COPA: variants seen among roughly 807,000 people sequenced by gnomAD.
COPA encodes the protein coatomer subunit alpha.
In COPA, 10 loss-of-function variants were observed where a neutral mutation model predicts 158.7. The ratio of observed to expected loss-of-function variants is 0.06; its 90% confidence interval spans 0.04 to 0.11. The LOEUF is 0.11. Among genes scored for constraint, COPA ranks in the 10% least tolerant of loss-of-function variants. COPA has a pLI of 1.00. For missense variants in COPA, 1,065 were observed against 1,536.7 expected (o/e 0.69, Z 5.13); for synonymous variants, 462 against 542.8 (o/e 0.85, Z 2.07).
rs1658876802 is a variant in COPA, at chr1:160,308,897, T to C, written c.1219+204A>G. 4 of 494,672 alleles carry C rather than the reference T, an allele frequency of 8.1e-6. No individual in the cohort carries two copies. In the South Asian group the frequency reaches 1.1e-4, roughly 13 times the overall value. 30.6% of individuals were successfully genotyped at this position (494,672 alleles called of 1,614,324 possible). A position where few individuals can be genotyped will look rare whatever the true frequency, so the allele number is the denominator to read the frequency against. On this transcript the variant is annotated intron_variant, in intron 13 of 32. Transcript: ENST00000241704. The stretch of plus-strand genomic sequence containing the variant: ...TAATAACCAAATTATAAAATATATA[T>C]ATCTAGCTGGGGTAATAAAATGGAG...
rs750819605 is a variant in COPA at position 160,307,210 on chromosome 1, C to G, written c.1255G>C (p.Val419Leu). The G allele has an allele frequency of 5.0e-6, 8 of 1,614,204 alleles. No homozygotes were observed. The highest frequency in any genetic ancestry group is 6.8e-6 in the Non-Finnish European group (8 of 1,180,012). ...GCAAACCGATTTCGAGCGACCCAAA[C>G]GGCTGTCAGGCCTGAGGATCGTTTC... The part of the protein sequence containing the change: ...EGKRSSGLTA[V>L]WVARNRFAVL... Residue 419 changes from valine (V) to leucine (L), a missense_variant, in exon 14 of 33, where the codon GTT becomes CTT. By Grantham distance (32) the Val-to-Leu change is conservative. This residue lies in a region of COPA where 980 missense variants were observed against 1,357.8 expected (regional missense o/e 0.72). Transcript: ENST00000241704.
chr1:160,294,157 T>G (rs139214528), intron 25 of COPA, among the ~76,000 whole-genome samples: 355 of 152,220 alleles, frequency 2.3e-3, no homozygotes, highest in Non-Finnish European at 2.5e-3. Flanking sequence ...TTCTTCCTGC[T>G]TCTTTTACTT....
intron 6 of COPA, among the ~76,000 whole-genome samples, chr1:160,331,133 T>G (rs1310031598): frequency 6.6e-6 from 1 of 152,214 alleles, no homozygotes; most frequent in Non-Finnish European, 1.5e-5. Context: ...CATTTAGTGT[T>G]TGATTTCCCT....
At chr1:160,326,588 C>T (rs1647225234) in intron 6 of COPA, among the ~76,000 whole-genome samples, 1 of 152,172 alleles carries the variant, frequency 6.6e-6, no homozygotes, top group South Asian at 2.1e-4. Context: ...AGCCTTTCGA[C>T]AGCTGATGGG....
At chr1:160,320,923 C>T (rs186905350) in intron 8 of COPA, among the ~76,000 whole-genome samples, 2 of 151,774 alleles carry the variant, frequency 1.3e-5, no homozygotes, top group East Asian at 3.9e-4. Flanking sequence ...GCCGATATCA[C>T]TGATGAACAT....
Position 160,293,167 on chromosome 1 carries a change from C to T in COPA, c.2822G>A (p.Arg941Gln), listed in dbSNP as rs368690601. ...AGAGGAAAAGCCAAGGTTACTTACC[C>T]GCATGGCTGTTTCGAAAGAGCCTGC... is the stretch of plus-strand genomic sequence containing the variant. ...ILAGSFETAM[R>Q]LLHDQVGVIQ... The change falls in exon 27 of 33, where the codon CGG (arginine) becomes CAG (glutamine). Residue 941 changes from arginine to glutamine, a missense_variant and splice_region_variant. Arg to Gln is a conservative substitution (Grantham distance 43). Around this residue, in one of 2 missense-constraint regions of COPA, gnomAD observed 980 missense variants for 1,357.8 expected, o/e 0.72. Coordinates refer to ENST00000241704, the MANE Select transcript of COPA (RefSeq NM_004371.4). 1.5e-4 allele frequency: 248 copies of T among 1,614,134 alleles called. No homozygotes were observed. Among genetic ancestry groups the T allele is most frequent in the South Asian group, 2.0e-4 (18 of 91,076 alleles).
chr1:160,293,316 CCAA>C (rs1198894787), intron 26 of COPA, 67 bp downstream of exon 26: 5 of 1,609,730 alleles, frequency 3.1e-6, no homozygotes, highest in Non-Finnish European at 3.4e-6. Context: ...AGAAAAGTAG[CCAA>C]CACCTGTTAT....
intron 21 of COPA, 86 bp downstream of exon 21, chr1:160,297,257 C>A (rs1658446195): frequency 3.5e-6 from 4 of 1,158,746 alleles, no homozygotes; most frequent in Non-Finnish European, 5.1e-6. Context: ...AGAGAAATCC[C>A]TCACCACTAT....
chr1:160,339,864 C>T, intron 3 of COPA, 45 bp downstream of exon 3: 1 of 1,563,282 alleles, frequency 6.4e-7, no homozygotes, highest in Non-Finnish European at 8.8e-7. Flanking sequence ...CAAACCTTCC[C>T]ACATCCTCTT....
At chr1:160,295,964 G>A (rs1438255609) in intron 22 of COPA, 97 bp downstream of exon 22, 2 of 1,577,440 alleles carry the variant, frequency 1.3e-6, no homozygotes, top group Non-Finnish European at 1.7e-6. Context: ...GCCTCTCCTG[G>A]TAACCAGGTG....
chr1:160,339,201 T>C lies in COPA; in HGVS notation c.228+708A>G, dbSNP rs574712708. 4.6e-5 allele frequency among the ~76,000 whole-genome samples: 6 copies of C among 130,556 alleles called. No homozygotes were observed. The South Asian group carries it at 1.4e-3, about 30-fold the overall frequency. 85.6% of individuals were successfully genotyped at this position (130,556 alleles called of 152,430 possible). ...ATCACCCAACAGACACACTGATTCA[T>C]TTCCTTAAATTCTCACATCCATCTC... On this transcript the variant is annotated intron_variant, in intron 3 of 32. Transcript: ENST00000241704.
At chr1:160,339,111 T>A (rs1647916266) in intron 3 of COPA, among the ~76,000 whole-genome samples, 1 of 138,762 alleles carries the variant, frequency 7.2e-6, no homozygotes, top group African/African-American at 3.1e-5. Context: ...GTCAGCTCAT[T>A]TATTTCTCCT....
In COPA at chr1:160,294,757, A is replaced by G. The variant is rs370504756; in HGVS notation, c.2566+11T>C. The stretch of plus-strand genomic sequence containing the variant: ...CATCACCCCAGAACAGTCTTAAAAC[A>G]GCACTTTTACCTTCATCCAACTGCA... On this transcript the variant is annotated intron_variant, in intron 24 of 32. Coordinates refer to ENST00000241704, the MANE Select transcript of COPA (RefSeq NM_004371.4). 40 of 1,613,870 alleles carry G rather than the reference A, an allele frequency of 2.5e-5. No homozygotes were observed. Among genetic ancestry groups the G allele is most frequent in the Middle Eastern group, 1.7e-4 (1 of 6,060 alleles).
At chr1:160,336,945 AG>A (rs1647794128) in intron 3 of COPA, among the ~76,000 whole-genome samples, 1 of 152,194 alleles carries the variant, frequency 6.6e-6, no homozygotes, top group Non-Finnish European at 1.5e-5. Context: ...GCCTGACATT[AG>A]GTAAGTGCTC....
Position 160,312,023 on chromosome 1 carries a change from G to C in COPA, c.926-5C>G, listed in dbSNP as rs144724157. The C allele has an allele frequency of 6.2e-7, 1 of 1,612,072 alleles. No individual in the cohort carries two copies. Among genetic ancestry groups the C allele is most frequent in the African/African-American group, 1.3e-5 (1 of 74,964 alleles). Reference sequence around the variant, plus strand: ...CAATCATACCACCATCATGGCCTGGGGGACAGGGAGAGGAGGAGAAAAAAT... The same window carrying C: ...CAATCATACCACCATCATGGCCTGGCGGACAGGGAGAGGAGGAGAAAAAAT... On this transcript the variant is annotated splice_region_variant and splice_polypyrimidine_tract_variant and intron_variant, in intron 10 of 32. Coordinates refer to ENST00000241704, the MANE Select transcript of COPA (RefSeq NM_004371.4).
chr1:160,307,356 G>C (rs1214145686), intron 13 of COPA, 111 bp from the exon 14 acceptor site: 1 of 974,504 alleles, frequency 1.0e-6, no homozygotes, highest in African/African-American at 1.6e-5. Flanking sequence ...GGCTTTGCCA[G>C]TTGAGCTGCT....
intron 9 of COPA, 101 bp from the exon 10 acceptor site, chr1:160,313,268 G>T: frequency 9.8e-7 from 1 of 1,017,506 alleles, no homozygotes; most frequent in Non-Finnish European, 1.5e-6. Context: ...TGATTAAAAT[G>T]TAAATCAGGG....
intron 8 of COPA, among the ~76,000 whole-genome samples, chr1:160,318,492 CAAAAAAA>C (rs1184111001): frequency 1.7e-5 from 1 of 58,080 alleles, no homozygotes; most frequent in Non-Finnish European, 2.8e-5. Context: ...AAAAAAAAAA[CAAAAAAA>C]AAAAAAAAAC....
At chr1:160,313,419 ATT>A (rs10719015) in intron 9 of COPA, among the ~76,000 whole-genome samples, 137 of 140,518 alleles carry the variant, frequency 9.7e-4, no homozygotes, top group Middle Eastern at 3.5e-3. Flanking sequence ...TTCATTCTGC[ATT>A]TTTTTTTTTT....
Sources: allele counts gnomAD v4.1 joint callset (sites outside exome capture counted in the v4.1 genomes callset), GRCh38; gene constraint gnomAD v4.1.1; regional missense constraint gnomAD v4.1.1; transcripts MANE v1.5; gene names NCBI Gene and HGNC (gene_info 2026-07-23, HGNC 2026-07-21).